Variants in PAPPA observed in about 807,000 individuals in gnomAD.
PAPPA encodes the protein pappalysin 1.
In PAPPA, 60 loss-of-function variants were observed where a neutral mutation model predicts 164.0. The ratio of observed to expected loss-of-function variants is 0.37; its 90% confidence interval spans 0.30 to 0.45. PAPPA has a LOEUF of 0.45. PAPPA is among the 20% of genes least tolerant of loss of function. PAPPA has a pLI of 1.00. For synonymous variants in PAPPA, 875 were observed against 814.1 expected (o/e 1.07, Z -1.27); for missense variants, 1,782 against 2,087.3 (o/e 0.85, Z 2.85).
intron 12 of PAPPA, among the ~76,000 whole-genome samples, chr9:116,334,333 A>G (rs1445350671): frequency 6.6e-6 from 1 of 151,920 alleles, no homozygotes; most frequent in African/African-American, 2.4e-5. Flanking sequence ...CTTCTCTGGA[A>G]AACCACCCCT....
chr9:116,228,568 G>A (rs773419389), intron 6 of PAPPA, among the ~76,000 whole-genome samples: 5 of 152,146 alleles, frequency 3.3e-5, no homozygotes, highest in African/African-American at 7.2e-5. Flanking sequence ...GAAAAACGAC[G>A]GCACTGCACT....
At chr9:116,156,334 G>GTGTATA (rs1554730866) in intron 1 of PAPPA, among the ~76,000 whole-genome samples, 2,409 of 139,558 alleles carry the variant, frequency 0.017, 77 homozygotes, top group African/African-American at 0.06. Context: ...ATATATATGT[G>GTGTATA]TATATATATA....
At chr9:116,178,026 A>ATG (rs916402287) in intron 1 of PAPPA, among the ~76,000 whole-genome samples, 14 of 152,138 alleles carry the variant, frequency 9.2e-5, no homozygotes, top group African/African-American at 3.4e-4. Context: ...AGGAACCTTT[A>ATG]TGTGTGTGTT....
At chr9:116,174,885 T>A (rs760202272) in intron 1 of PAPPA, among the ~76,000 whole-genome samples, 1 of 152,076 alleles carries the variant, frequency 6.6e-6, no homozygotes, top group South Asian at 2.1e-4. Context: ...TTGCCCAAGA[T>A]TAATAGTGGC....
At chr9:116,365,305 G>T (rs1846485030) in intron 18 of PAPPA, among the ~76,000 whole-genome samples, 1 of 152,250 alleles carries the variant, frequency 6.6e-6, no homozygotes, top group South Asian at 2.1e-4. Context: ...CCCTCAGAAA[G>T]TTGCTGCTGC....
In PAPPA at chr9:116,271,400, C is replaced by A. The variant is rs1361127118; in HGVS notation, c.2937C>A (p.Val979=). Residue 979 remains valine, a synonymous_variant, in exon 9 of 22, where the codon GTC becomes GTA. Coordinates refer to ENST00000328252, the MANE Select transcript of PAPPA (RefSeq NM_002581.5). The surrounding 1 kb of genome is among the most constrained non-coding windows in gnomAD (Gnocchi z 4.2). ...DGCSLFCRQE[V]SFNCIDEPSR... is the part of the protein sequence containing the mutation. ...GCTCCCTTTTCTGCCGACAAGAAGT[C>A]TCCTTCAATTGTATTGGTACGTCTT... 1 of 1,611,638 alleles carries A rather than the reference C, an allele frequency of 6.2e-7. No individual in the cohort carries two copies.
At chr9:116,180,657 G>A (rs1350159458) in intron 1 of PAPPA, among the ~76,000 whole-genome samples, 1 of 152,018 alleles carries the variant, frequency 6.6e-6, no homozygotes, top group Non-Finnish European at 1.5e-5. Flanking sequence ...CATATAAATT[G>A]TCATCCTTTG....
chr9:116,338,165 A>G (rs1846085640), intron 13 of PAPPA, among the ~76,000 whole-genome samples: 1 of 152,188 alleles, frequency 6.6e-6, no homozygotes, highest in Non-Finnish European at 1.5e-5. Flanking sequence ...TGAATGGACC[A>G]TGTATTTAGA....
At chr9:116,353,535 T>C (rs1846311751) in intron 16 of PAPPA, 87 bp from the exon 17 acceptor site, 1 of 1,210,968 alleles carries the variant, frequency 8.3e-7, no homozygotes. Context: ...AAATAGGAAA[T>C]GGGGGCCCAG....
intron 10 of PAPPA, among the ~76,000 whole-genome samples, chr9:116,312,883 A>G (rs929433118): frequency 2.6e-5 from 4 of 151,970 alleles, no homozygotes; most frequent in East Asian, 3.9e-4. Flanking sequence ...GGAGATGGAG[A>G]CCATCCTGGC....
intron 1 of PAPPA, among the ~76,000 whole-genome samples, chr9:116,155,326 C>T (rs1408551019): frequency 6.6e-6 from 1 of 152,206 alleles, no homozygotes; most frequent in African/African-American, 2.4e-5. Context: ...CTCAACCTCC[C>T]TCTCTCTCCC....
chr9:116,180,007 G>A (rs1321389891), intron 1 of PAPPA, among the ~76,000 whole-genome samples: 3 of 152,022 alleles, frequency 2.0e-5, no homozygotes, highest in African/African-American at 4.8e-5. Flanking sequence ...CCTGGCAGAT[G>A]TCCCACAGCT....
intron 4 of PAPPA, among the ~76,000 whole-genome samples, chr9:116,213,393 T>C (rs1291557313): frequency 6.6e-6 from 1 of 152,130 alleles, no homozygotes; most frequent in Non-Finnish European, 1.5e-5. Flanking sequence ...TCTGGTACCA[T>C]AAAGAGTCTT....
chr9:116,261,058 C>T (rs1035488757), intron 7 of PAPPA, among the ~76,000 whole-genome samples: 1 of 152,140 alleles, frequency 6.6e-6, no homozygotes, highest in Non-Finnish European at 1.5e-5. Flanking sequence ...TTGTGACTAT[C>T]GGCAAGTAGC....
At chr9:116,341,971 C>T (rs564044415) in intron 13 of PAPPA, among the ~76,000 whole-genome samples, 1 of 152,218 alleles carries the variant, frequency 6.6e-6, no homozygotes, top group South Asian at 2.1e-4. Context: ...GAAAACGAAG[C>T]ATTTCAGATC....
intron 2 of PAPPA, among the ~76,000 whole-genome samples, chr9:116,193,508 G>A (rs531879078): frequency 6.9e-4 from 105 of 152,218 alleles, no homozygotes; most frequent in Non-Finnish European, 1.2e-3. Context: ...CCCTCAAGGA[G>A]GGGCAGACAC....
At chr9:116,234,182 G>C (rs1033839074) in intron 6 of PAPPA, among the ~76,000 whole-genome samples, 13 of 152,284 alleles carry the variant, frequency 8.5e-5, no homozygotes, top group Admixed American at 5.2e-4. Context: ...GTGCAAGGAA[G>C]AGCTCTCTGG....
chr9:116,300,096 G>A (rs1245599447), intron 9 of PAPPA, among the ~76,000 whole-genome samples: 1 of 152,036 alleles, frequency 6.6e-6, no homozygotes, highest in East Asian at 1.9e-4. Flanking sequence ...TAGGTTATAC[G>A]ATATGTAGAG....
intron 4 of PAPPA, among the ~76,000 whole-genome samples, chr9:116,217,803 A>G (rs142307083): frequency 5.9e-4 from 90 of 152,220 alleles, no homozygotes; most frequent in African/African-American, 2.1e-3. Context: ...CACTTCACAG[A>G]TGGGGTAACT....
Sources: gnomAD v4.1 joint callset for allele counts (sites outside exome capture counted in the v4.1 genomes callset) on GRCh38, gnomAD v4.1.1 for gene constraint, Gnocchi (gnomAD v3.1) non-coding constraint, MANE v1.5 for transcripts, NCBI Gene and HGNC (gene_info 2026-07-23, HGNC 2026-07-21) for gene names.